The following ARMC10 variants were observed in gnomAD, a reference collection of about 807,000 sequenced individuals.
ARMC10 encodes armadillo repeat-containing protein 10.
ARMC10 carries 23 observed loss-of-function variants against 30.2 expected under a neutral mutation model. The ratio of observed to expected loss-of-function variants is 0.76; its 90% confidence interval spans 0.55 to 1.08. The LOEUF (loss-of-function observed/expected upper bound fraction) is 1.08, where lower values mean the gene tolerates loss of function less well. Ranked by LOEUF, ARMC10 falls within the 50% of genes least tolerant of loss-of-function variation. The probability of loss-of-function intolerance (pLI) is 0.00; values close to 1 mark genes in which losing one functional copy is unlikely to be tolerated. For missense variants in ARMC10, 303 were observed against 413.7 expected, an observed-to-expected ratio of 0.73 and a Z score of 2.32; for synonymous variants, 111 against 164.4, an observed-to-expected ratio of 0.68 and a Z score of 2.48.
intron 2 of ARMC10, among the ~76,000 whole-genome samples, chr7:103,079,326 T>A (rs2129520201): frequency 6.6e-6 from 1 of 151,230 alleles, no homozygotes; most frequent in South Asian, 2.1e-4. Context: ...TAGCTGAAGC[T>A]CGGGGAAAAA....
At chr7:103,075,961 C>G in intron 2 of ARMC10, 80 bp downstream of exon 2, 1 of 1,094,662 alleles carries the variant, frequency 9.1e-7, no homozygotes, top group Non-Finnish European at 1.3e-6. Flanking sequence ...CGGTTTCTGT[C>G]CAAAAGTTGA....
intron 2 of ARMC10, 106 bp downstream of exon 2, chr7:103,075,987 C>T (rs1799754013): frequency 1.4e-6 from 1 of 712,094 alleles, no homozygotes. Flanking sequence ...ACATTAAAAC[C>T]CTCCAAAGGC....
At chr7:103,086,949 C>G (rs1433517749) in intron 4 of ARMC10, 185 bp downstream of exon 4, 2 of 1,452,512 alleles carry the variant, frequency 1.4e-6, no homozygotes, top group Admixed American at 2.1e-5. Context: ...TACAATAAGA[C>G]TTTTGTTTCA....
chr7:103,083,775 T>G lies in ARMC10; in HGVS notation c.338T>G (p.Ile113Ser), dbSNP rs762906223. 10 of 1,614,204 alleles carry G rather than the reference T, an allele frequency of 6.2e-6. No individual in the cohort carries two copies. The Admixed American group carries it at 1.7e-4, about 27-fold the overall frequency. ...CTGGAGTCAACGGAGGATCCTGTAA[T>G]TATTGAAAGAGCTTTGATTACTTTG... ...YLLESTEDPV[I>S]IERALITLGN... Residue 113 changes from isoleucine to serine, a missense_variant, in exon 3 of 7, where the codon ATT (isoleucine) becomes AGT (serine). Around this residue, in one of 4 missense-constraint regions of ARMC10, gnomAD observed 170 missense variants for 207.2 expected, o/e 0.82. Coordinates refer to ENST00000323716, the MANE Select transcript of ARMC10 (RefSeq NM_031905.5).
chr7:103,090,728 TAAAA>T lies in ARMC10; in HGVS notation c.529-1736_529-1733del, dbSNP rs34277044. Reference sequence around the variant, plus strand: ...ACCAGTTTGGGTGAGAACCCATTTCTAAAAAAAAAAAAAAAATTTATTAGCTGGG... The same window carrying T: ...ACCAGTTTGGGTGAGAACCCATTTCTAAAAAAAAAAAATTTATTAGCTGGG... On this transcript the variant is annotated intron_variant, in intron 4 of 6. Transcript: ENST00000323716. Among the ~76,000 whole-genome samples, 783 of 140,930 alleles carry T rather than the reference TAAAA, an allele frequency of 5.6e-3. 8 individuals are homozygous for T. Among genetic ancestry groups the T allele is most frequent in the African/African-American group, 0.021 (748 of 36,168 alleles). 92.5% of individuals were successfully genotyped at this position (140,930 alleles called of 152,430 possible). A position where few individuals can be genotyped will look rare whatever the true frequency, so the allele number is the denominator to read the frequency against.
chr7:103,088,513 A>C (rs1315197315), intron 4 of ARMC10, among the ~76,000 whole-genome samples: 1 of 152,154 alleles, frequency 6.6e-6, no homozygotes, highest in Non-Finnish European at 1.5e-5. Flanking sequence ...CATAAAATAA[A>C]TTTTACTCTA....
intron 4 of ARMC10, among the ~76,000 whole-genome samples, chr7:103,089,870 A>G (rs1252403078): frequency 2.0e-5 from 3 of 152,254 alleles, no homozygotes; most frequent in Non-Finnish European, 4.4e-5. Context: ...AGAGTATACA[A>G]ATGAGCATGA....
chr7:103,075,448 TG>T, intron 1 of ARMC10, 37 bp downstream of exon 1: 1 of 1,280,816 alleles, frequency 7.8e-7, no homozygotes, highest in Non-Finnish European at 9.9e-7. Context: ...GGGCGGGGAC[TG>T]GGCAGGGGGG....
At chr7:103,085,181 G>A (rs1299624542) in intron 3 of ARMC10, among the ~76,000 whole-genome samples, 1 of 151,710 alleles carries the variant, frequency 6.6e-6, no homozygotes, top group East Asian at 1.9e-4. Context: ...ACCCACTGGA[G>A]AAGAAGTACT....
chr7:103,097,753 C>T (rs1861729), intron 6 of ARMC10, among the ~76,000 whole-genome samples: 116,385 of 152,006 alleles, frequency 0.77, 46,930 homozygotes, highest in Non-Finnish European at 0.9. Flanking sequence ...CATGTCCTCA[C>T]GAAGCTTACA....
At chr7:103,079,327 C>CG (rs1800169487) in intron 2 of ARMC10, among the ~76,000 whole-genome samples, 2 of 150,092 alleles carry the variant, frequency 1.3e-5, no homozygotes, top group Non-Finnish European at 3.0e-5. Context: ...AGCTGAAGCT[C>CG]GGGGAAAAAA....
chr7:103,084,535 C>A (rs916736419), intron 3 of ARMC10, among the ~76,000 whole-genome samples: 4 of 152,126 alleles, frequency 2.6e-5, no homozygotes, highest in Non-Finnish European at 4.4e-5. Context: ...TGTACTCTTT[C>A]AGTTATAAAT....
chr7:103,083,739 T>A lies in ARMC10; in HGVS notation c.302T>A (p.Leu101His), dbSNP rs189688478. The A allele has an allele frequency of 6.2e-7, 1 of 1,613,818 alleles. No homozygotes were observed. Among genetic ancestry groups the A allele is most frequent in the African/African-American group, 1.3e-5 (1 of 75,036 alleles). ...CTAAATGCTGAACAACTTCAGAAAC[T>A]CCTTTACCTGCTGGAGTCAACGGAG... ...DVLNAEQLQK[L>H]LYLLESTEDP... Residue 101 changes from leucine (L) to histidine (H), a missense_variant, in exon 3 of 7, where the codon CTC becomes CAC. Around this residue, in one of 4 missense-constraint regions of ARMC10, gnomAD observed 170 missense variants for 207.2 expected, o/e 0.82. Transcript: ENST00000323716.
chr7:103,089,774 G>T lies in ARMC10; in HGVS notation c.529-2703G>T, dbSNP rs1801153401. Among the ~76,000 whole-genome samples the T allele has an allele frequency of 2.6e-5, 4 of 152,192 alleles. No individual in the cohort carries two copies. The South Asian group carries it at 8.3e-4, about 32-fold the overall frequency. ...AGGGTGCTAAAGGAACCAGGCCAGGGTCAGATAATGTCAGCAGAAAAATGC... is the reference window on the plus strand; with the variant it reads ...AGGGTGCTAAAGGAACCAGGCCAGGTTCAGATAATGTCAGCAGAAAAATGC... On this transcript the variant is annotated intron_variant, in intron 4 of 6. Transcript: ENST00000323716.
intron 5 of ARMC10, 25 bp from the exon 6 acceptor site, chr7:103,097,252 A>G (rs1167316428): frequency 2.5e-6 from 4 of 1,596,610 alleles, no homozygotes; most frequent in Admixed American, 1.7e-5. Context: ...CCAGTCTGAG[A>G]TAAGCCAGTA....
intron 5 of ARMC10, among the ~76,000 whole-genome samples, chr7:103,093,582 G>C (rs1801532148): frequency 6.6e-6 from 1 of 152,186 alleles, no homozygotes; most frequent in Non-Finnish European, 1.5e-5. Flanking sequence ...TAGCAATATT[G>C]CACCATTCCC....
intron 2 of ARMC10, among the ~76,000 whole-genome samples, chr7:103,077,838 A>C (rs1438549497): frequency 6.6e-6 from 1 of 152,212 alleles, no homozygotes; most frequent in Non-Finnish European, 1.5e-5. Flanking sequence ...TAAACTTAAC[A>C]GTTCCCATAA....
At chr7:103,082,712 C>G (rs1197131067) in intron 2 of ARMC10, among the ~76,000 whole-genome samples, 4 of 151,982 alleles carry the variant, frequency 2.6e-5, no homozygotes, top group Non-Finnish European at 5.9e-5. Flanking sequence ...CCTCACCTAC[C>G]CTTGCCCCTC....
rs747372215 is a variant in ARMC10, at chr7:103,083,872, C to G, written c.393+42C>G. The G allele has an allele frequency of 1.9e-6, 3 of 1,603,270 alleles. No individual in the cohort carries two copies. The East Asian group carries it at 6.7e-5, about 36-fold the overall frequency. On this transcript the variant is annotated intron_variant, in intron 3 of 6. Transcript: ENST00000323716. ...AGCAAGCAAGCTCTTTCCATTCTTA[C>G]ACACTAGCGGTAATTGTGACCCTGA...
Sources: allele counts gnomAD v4.1 joint callset (sites outside exome capture counted in the v4.1 genomes callset), GRCh38; gene constraint gnomAD v4.1.1; regional missense constraint gnomAD v4.1.1; transcripts MANE v1.5; gene names NCBI Gene and HGNC (gene_info 2026-07-23, HGNC 2026-07-21).